C21orf91: variants seen among roughly 807,000 people sequenced by gnomAD.
C21orf91 encodes the protein chromosome 21 open reading frame 91.
C21orf91 carries 26 observed loss-of-function variants against 32.9 expected under a neutral mutation model. The observed-to-expected ratio is 0.79, with a 90% CI of 0.58 to 1.10. The LOEUF (loss-of-function observed/expected upper bound fraction) is 1.10, where lower values mean the gene tolerates loss of function less well. C21orf91 is among the 50% of genes least tolerant of loss of function. The probability of loss-of-function intolerance (pLI) is 0.00; values close to 1 mark genes in which losing one functional copy is unlikely to be tolerated. For synonymous variants in C21orf91, 126 were observed against 120.4 expected (o/e 1.05, Z -0.31); for missense variants, 310 against 341.3 (o/e 0.91, Z 0.72).
intron 2 of C21orf91, among the ~76,000 whole-genome samples, chr21:17,798,503 A>T (rs1310171933): frequency 6.6e-6 from 1 of 152,202 alleles, no homozygotes; most frequent in Non-Finnish European, 1.5e-5. Context: ...TCATGAGGTA[A>T]ACTCAAATAT....
chr21:17,812,946 G>A (rs995962669), intron 2 of C21orf91, among the ~76,000 whole-genome samples: 1 of 152,088 alleles, frequency 6.6e-6, no homozygotes, highest in African/African-American at 2.4e-5. Context: ...GCCCTCAACC[G>A]CCAGAACTAA....
intron 2 of C21orf91, chr21:17,809,041 C>A (rs528090264): frequency 9.1e-5 from 14 of 153,240 alleles, no homozygotes; most frequent in African/African-American, 3.1e-4. Context: ...ATTCCTTCAC[C>A]TTCTGGTATA....
At chr21:17,800,167 T>G (rs557847609) in intron 2 of C21orf91, among the ~76,000 whole-genome samples, 1 of 152,228 alleles carries the variant, frequency 6.6e-6, no homozygotes, top group Non-Finnish European at 1.5e-5. Flanking sequence ...GATGGTTTTA[T>G]GTTAACTGTA....
At chr21:17,805,174 A>G (rs1687332716) in intron 2 of C21orf91, among the ~76,000 whole-genome samples, 1 of 152,224 alleles carries the variant, frequency 6.6e-6, no homozygotes, top group Non-Finnish European at 1.5e-5. Context: ...TAAAGTTTTA[A>G]TTTTAATTTA....
intron 2 of C21orf91, among the ~76,000 whole-genome samples, chr21:17,804,177 C>T (rs1363501391): frequency 6.6e-6 from 1 of 152,138 alleles, no homozygotes. Flanking sequence ...AGTAGCCAAG[C>T]CATAATTCAG....
chr21:17,819,226 GA>G (rs1349289816), intron 1 of C21orf91, 76 bp downstream of exon 1: 1 of 152,432 alleles, frequency 6.6e-6, no homozygotes, highest in Non-Finnish European at 1.5e-5. Context: ...ACGGGGCTCG[GA>G]ACTCGAAGGA....
intron 3 of C21orf91, 124 bp downstream of exon 3, chr21:17,796,458 T>C: frequency 1.4e-6 from 1 of 725,578 alleles, no homozygotes; most frequent in Non-Finnish European, 2.3e-6. Context: ...AAGGTGAACC[T>C]GTTAAATACA....
At position 17,797,015 on chromosome 21, in the gene C21orf91, C is replaced by G. The variant is rs1295038729; in HGVS notation, c.231G>C (p.Lys77Asn). The G allele has an allele frequency of 1.2e-6, 2 of 1,612,876 alleles. No homozygotes were observed. Among genetic ancestry groups the G allele is most frequent in the Non-Finnish European group, 1.7e-6 (2 of 1,179,136 alleles). The change falls in exon 3 of 5, where the codon AAG becomes AAC. Residue 77 changes from lysine to asparagine, a missense_variant. Lys to Asn is a moderately conservative substitution (Grantham distance 94, BLOSUM62 0). Coordinates refer to ENST00000284881, the MANE Select transcript of C21orf91 (RefSeq NM_001100420.2). ...LIANQGCPRSKLSKSTYEEVK... is the reference protein window; with the variant it reads ...LIANQGCPRSNLSKSTYEEVK... ...CTTCTTCATAAGTACTTTTTGAAAG[C>G]TTAGATCGAGGACAACCCTGGTTTG...
rs117007230 is a variant in C21orf91 at position 17,795,495 on chromosome 21, G to T, written c.665-225C>A. ...AAATTTTATTTTTATTCTTTTTTGA[G>T]ACAGGGTCTCACTTTGTCACCCAGG... On this transcript the variant is annotated intron_variant, in intron 3 of 4. Coordinates refer to ENST00000284881, the MANE Select transcript of C21orf91 (RefSeq NM_001100420.2). Among the ~76,000 whole-genome samples the T allele has an allele frequency of 2.4e-3, 372 of 152,278 alleles. 10 individuals carry two copies. The East Asian group carries it at 0.068, about 28-fold the overall frequency.
intron 2 of C21orf91, among the ~76,000 whole-genome samples, chr21:17,799,424 C>G (rs1411285609): frequency 6.6e-6 from 1 of 152,182 alleles, no homozygotes; most frequent in Non-Finnish European, 1.5e-5. Context: ...CTTACTGAAT[C>G]TGGCATCACC....
At position 17,793,289 on chromosome 21, in the gene C21orf91, C is replaced by G; in HGVS notation, c.*126G>C. On this transcript the variant is annotated 3_prime_UTR_variant, in exon 5 of 5. Transcript: ENST00000284881. ...CTTTATTTGACAAAGATGTTAAATA[C>G]TGCCTTATGTTTGGCAAATTTAATG... 1.7e-6 allele frequency: 1 copy of G among 580,004 alleles called. No individual in the cohort carries two copies. The highest frequency in any genetic ancestry group is 2.9e-5 in the East Asian group (1 of 34,852). The allele number at this position is 580,004 out of a possible 1,614,324, so 35.9% of individuals were successfully genotyped here. A position where few individuals can be genotyped will look rare whatever the true frequency, so the allele number is the denominator to read the frequency against.
At chr21:17,798,313 T>C (rs910535030) in intron 2 of C21orf91, among the ~76,000 whole-genome samples, 22 of 152,214 alleles carry the variant, frequency 1.4e-4, no homozygotes, top group Non-Finnish European at 2.1e-4. Context: ...AATAAAGTAT[T>C]AGCATACTTG....
intron 2 of C21orf91, among the ~76,000 whole-genome samples, chr21:17,801,808 T>C (rs906790168): frequency 6.6e-6 from 1 of 151,540 alleles, no homozygotes; most frequent in South Asian, 2.1e-4. Context: ...CAAACCTGCA[T>C]GTTCTGCATG....
At chr21:17,803,214 G>A (rs2062574013) in intron 2 of C21orf91, among the ~76,000 whole-genome samples, 2 of 152,188 alleles carry the variant, frequency 1.3e-5, no homozygotes, top group African/African-American at 2.4e-5. Flanking sequence ...AACAATACAT[G>A]CAGTATTGCT....
intron 2 of C21orf91, among the ~76,000 whole-genome samples, chr21:17,806,446 T>C (rs1219707534): frequency 6.6e-6 from 1 of 152,206 alleles, no homozygotes; most frequent in Non-Finnish European, 1.5e-5. Flanking sequence ...ATGCTAATCA[T>C]TCTTTTGGCC....
At chr21:17,806,254 C>G (rs1456230685) in intron 2 of C21orf91, among the ~76,000 whole-genome samples, 2 of 152,102 alleles carry the variant, frequency 1.3e-5, no homozygotes, top group Non-Finnish European at 2.9e-5. Context: ...GCCTAGATAG[C>G]TAGGTGATCG....
At position 17,789,444 on chromosome 21, in the gene C21orf91, A is replaced by G. The variant is rs2062455540; in HGVS notation, c.*3971T>C. ...TTTAGGTGTAGTTGAGGGAAGTTCA[A>G]CTAATCTTTAAACCTTTTTTGGGAG... is the stretch of plus-strand genomic sequence containing the variant. On this transcript the variant is annotated 3_prime_UTR_variant, in exon 5 of 5. Coordinates refer to ENST00000284881, the MANE Select transcript of C21orf91 (RefSeq NM_001100420.2). 1 of 152,144 alleles carries G rather than the reference A, an allele frequency of 6.6e-6. No homozygotes were observed. Among genetic ancestry groups the G allele is most frequent in the Admixed American group, 6.6e-5 (1 of 15,266 alleles). 9.4% of individuals were successfully genotyped at this position (152,144 alleles called of 1,614,324 possible). A position where few individuals can be genotyped will look rare whatever the true frequency, so the allele number is the denominator to read the frequency against.
chr21:17,792,887 C>T lies in C21orf91; in HGVS notation c.*528G>A, dbSNP rs1400119582. 2 of 152,466 alleles carry T rather than the reference C, an allele frequency of 1.3e-5. No homozygotes were observed. The highest frequency in any genetic ancestry group is 4.8e-5 in the African/African-American group (2 of 41,418). The allele number at this position is 152,466 out of a possible 1,614,324, so 9.4% of individuals were successfully genotyped here. ...TATTAAGAGAATAAAATGCAGTGAC[C>T]TGAAATATGGGTGAACATATTCACA... On this transcript the variant is annotated 3_prime_UTR_variant, in exon 5 of 5. Transcript: ENST00000284881.
intron 2 of C21orf91, chr21:17,813,984 T>A (rs2062649529): frequency 6.6e-6 from 1 of 151,714 alleles, no homozygotes; most frequent in Non-Finnish European, 1.5e-5. Flanking sequence ...GAAAAAAAGC[T>A]AAACAAAGCT....
Sources: allele counts gnomAD v4.1 joint callset (sites outside exome capture counted in the v4.1 genomes callset), GRCh38; gene constraint gnomAD v4.1.1; transcripts MANE v1.5; gene names NCBI Gene and HGNC (gene_info 2026-07-23, HGNC 2026-07-21).